The following GARNL3 variants were observed in gnomAD, a reference collection of about 807,000 sequenced individuals.
GARNL3 encodes the protein GTPase-activating Rap/Ran-GAP domain-like protein 3.
GARNL3 carries 63 observed loss-of-function variants against 125.0 expected under a neutral mutation model. That is an observed-to-expected ratio of 0.50 (90% confidence interval 0.41 to 0.62). The LOEUF is 0.62. GARNL3 is among the 20% of genes least tolerant of loss of function. The probability of loss-of-function intolerance (pLI) is 0.00; values close to 1 mark genes in which losing one functional copy is unlikely to be tolerated. For synonymous variants in GARNL3, 439 were observed against 457.5 expected (o/e 0.96, Z 0.52); for missense variants, 994 against 1,244.0 (o/e 0.80, Z 3.02).
rs561463911 is a variant in GARNL3, at chr9:127,303,957, T to C, written c.220-7679T>C. On this transcript the variant is annotated intron_variant, in intron 2 of 27. Transcript: ENST00000373387. ...AAATGATTCAGGACTTTTGGGTCTC[T>C]GTGGGCATGTACAGGCCTGAATGCA... 6.6e-5 allele frequency among the ~76,000 whole-genome samples: 10 copies of C among 152,334 alleles called. No individual in the cohort carries two copies. In the South Asian group the frequency reaches 1.2e-3, roughly 19 times the overall value.
At chr9:127,367,532 T>G (rs183257816) in intron 22 of GARNL3, 1 of 152,338 alleles carries the variant, frequency 6.6e-6, no homozygotes, top group African/African-American at 2.4e-5. Flanking sequence ...AAAAATAGTA[T>G]AAATTGTTCA....
At chr9:127,252,734 AT>A (rs1433812285) in intron 2 of GARNL3, among the ~76,000 whole-genome samples, 22 of 152,250 alleles carry the variant, frequency 1.4e-4, no homozygotes, top group Admixed American at 1.4e-3. Context: ...TTGTTTTGGA[AT>A]TTTTTGTTAA....
intron 9 of GARNL3, 47 bp downstream of exon 9, chr9:127,333,168 G>C: frequency 6.8e-7 from 1 of 1,477,094 alleles, no homozygotes; most frequent in Non-Finnish European, 9.5e-7. Flanking sequence ...TATAACTTTT[G>C]TAAGTCAGCC....
At chr9:127,314,897 G>T (rs1361219133) in intron 4 of GARNL3, among the ~76,000 whole-genome samples, 1 of 152,208 alleles carries the variant, frequency 6.6e-6, no homozygotes, top group Non-Finnish European at 1.5e-5. Context: ...GAGGCCTGAA[G>T]ATGGAAGGGA....
intron 1 of GARNL3, among the ~76,000 whole-genome samples, chr9:127,233,646 G>A (rs1479629290): frequency 6.6e-6 from 1 of 152,172 alleles, no homozygotes; most frequent in Admixed American, 6.5e-5. Flanking sequence ...ATAGACAGAA[G>A]ATTTTGAATT....
chr9:127,296,493 C>T (rs1363786166), intron 2 of GARNL3, among the ~76,000 whole-genome samples: 1 of 103,422 alleles, frequency 9.7e-6, no homozygotes, highest in Non-Finnish European at 1.8e-5. Flanking sequence ...TTTTTTGAGA[C>T]GGAGTTTTGC....
intron 22 of GARNL3, among the ~76,000 whole-genome samples, chr9:127,380,906 G>A (rs1832217897): frequency 6.6e-6 from 1 of 152,118 alleles, no homozygotes; most frequent in Non-Finnish European, 1.5e-5. Flanking sequence ...TTTTGAGACA[G>A]TCTAGCTTTG....
rs1467858999 is a variant in GARNL3 at position 127,385,487 on chromosome 9, G to C, written c.2388+342G>C. On this transcript the variant is annotated intron_variant, in intron 24 of 27. Transcript: ENST00000373387. The surrounding 1 kb of genome is among the most constrained non-coding windows in gnomAD (Gnocchi z 4.1). The stretch of plus-strand genomic sequence containing the variant: ...GGACAGTCCAAGTCTAGAAAAGTCA[G>C]AGCTTGCAATCTTTCTTCCTTTCCC... 1.3e-5 allele frequency among the ~76,000 whole-genome samples: 2 copies of C among 152,192 alleles called. No homozygotes were observed. Among genetic ancestry groups the C allele is most frequent in the African/African-American group, 4.8e-5 (2 of 41,446 alleles).
chr9:127,254,945 C>G (rs1468077366), intron 2 of GARNL3, among the ~76,000 whole-genome samples: 2 of 152,138 alleles, frequency 1.3e-5, no homozygotes, highest in Non-Finnish European at 2.9e-5. Context: ...AAAGCCGTAC[C>G]TCAGTGAGAC....
At chr9:127,303,384 G>A (rs1227476745) in intron 2 of GARNL3, among the ~76,000 whole-genome samples, 2 of 152,110 alleles carry the variant, frequency 1.3e-5, no homozygotes, top group East Asian at 1.9e-4. Context: ...AAAGATCTGG[G>A]ATTATTCAGA....
At chr9:127,328,120 G>A (rs879705732) in intron 7 of GARNL3, among the ~76,000 whole-genome samples, 5 of 152,136 alleles carry the variant, frequency 3.3e-5, no homozygotes, top group Non-Finnish European at 5.9e-5. Flanking sequence ...CTGAAAGAAC[G>A]CCTGTTCACT....
In GARNL3 at chr9:127,348,954, T is replaced by C. The variant is rs776715034; in HGVS notation, c.1462T>C (p.Phe488Leu). 1 of 1,613,554 alleles carries C rather than the reference T, an allele frequency of 6.2e-7. No homozygotes were observed. Among genetic ancestry groups the C allele is most frequent in the South Asian group, 1.1e-5 (1 of 90,974 alleles). ...GGAGCCCCAGTGTTTCTGCAGTAAT[T>C]TCCCTCATGAAGCCGTGTGTGCAGA... ...PWEPQCFCSN[F>L]PHEAVCADPW... Residue 488 changes from phenylalanine to leucine, a missense_variant, in exon 17 of 28, where the codon TTC becomes CTC. By Grantham distance (22) the Phe-to-Leu change is conservative. Transcript: ENST00000373387.
chr9:127,261,337 C>A (rs936461903), upstream of GARNL3, among the ~76,000 whole-genome samples: 18 of 151,746 alleles, frequency 1.2e-4, no homozygotes, highest in African/African-American at 4.4e-4. Flanking sequence ...GCCCCAGAGT[C>A]CTCTCCATTG....
At chr9:127,376,435 G>A (rs1831917924) in intron 22 of GARNL3, among the ~76,000 whole-genome samples, 1 of 151,438 alleles carries the variant, frequency 6.6e-6, no homozygotes, top group South Asian at 2.1e-4. Flanking sequence ...AGCCAGGATG[G>A]TCTCGATCTC....
chr9:127,296,839 TGGAG>T (rs2064611308), intron 2 of GARNL3, among the ~76,000 whole-genome samples: 1 of 152,010 alleles, frequency 6.6e-6, no homozygotes, highest in African/African-American at 2.4e-5. Flanking sequence ...TCTCTCACCC[TGGAG>T]GTTGGGGTAT....
At position 127,230,510 on chromosome 9, in the gene GARNL3, C is replaced by T. The variant is rs12352159; in HGVS notation, c.-29+6172C>T. Among the ~76,000 whole-genome samples, 8 of 151,820 alleles carry T rather than the reference C, an allele frequency of 5.3e-5. No homozygotes were observed. In the East Asian group the frequency reaches 7.7e-4, roughly 15 times the overall value. On this transcript the variant is annotated intron_variant, in intron 1 of 10. Transcript: ENST00000439286. ...TCTCTACTAAAAATACAAAATTAGC[C>T]GACGTGGTGGCACATGACTGTAATC... is the stretch of plus-strand genomic sequence containing the variant.
intron 22 of GARNL3, 27 bp downstream of exon 22, chr9:127,365,393 TA>T: frequency 1.3e-6 from 2 of 1,572,300 alleles, no homozygotes; most frequent in Non-Finnish European, 1.7e-6. Flanking sequence ...CTTTTATCTT[TA>T]TTTGCTTAAA....
chr9:127,390,974 C>CA (rs1832793750), intron 27 of GARNL3, among the ~76,000 whole-genome samples: 1 of 152,188 alleles, frequency 6.6e-6, no homozygotes, highest in Non-Finnish European at 1.5e-5. Flanking sequence ...TACCAGCAGT[C>CA]AACTGCTAAT....
chr9:127,233,553 A>G (rs2063057705), intron 1 of GARNL3, among the ~76,000 whole-genome samples: 1 of 151,996 alleles, frequency 6.6e-6, no homozygotes, highest in East Asian at 1.9e-4. Flanking sequence ...ATTTTTTTTT[A>G]GTTTTTGTTG....
Sources: allele counts gnomAD v4.1 joint callset (sites outside exome capture counted in the v4.1 genomes callset), GRCh38; gene constraint gnomAD v4.1.1; non-coding constraint Gnocchi (gnomAD v3.1); transcripts MANE v1.5; gene names NCBI Gene and HGNC (gene_info 2026-07-23, HGNC 2026-07-21).